Variants in ANKRD17 observed in about 807,000 individuals in gnomAD.
The protein encoded by ANKRD17 is ankyrin repeat domain 17.
ANKRD17 carries 19 observed loss-of-function variants against 229.7 expected under a neutral mutation model. The ratio of observed to expected loss-of-function variants is 0.08; its 90% CI spans 0.06 to 0.12. ANKRD17 has a LOEUF of 0.12. ANKRD17 is among the 10% of genes least tolerant of loss of function. ANKRD17 has a pLI of 1.00. For missense variants in ANKRD17, 2,176 were observed against 3,176.8 expected, an observed-to-expected ratio of 0.68 and a Z score of 7.57; for synonymous variants, 1,112 against 1,146.1, an observed-to-expected ratio of 0.97 and a Z score of 0.60.
Position 73,090,811 on chromosome 4 carries a change from C to T in ANKRD17, c.6817G>A (p.Val2273Ile). ...TCTGGTGTTGACTGAGATGAAACAA[C>T]AGATCCTCCCCAGAAGGCATGAGCA... ...TSAHAFWGGS[V>I]VSSQSTPESM... The change falls in exon 29 of 34, where the codon GTT becomes ATT. Residue 2273 changes from valine (V) to isoleucine (I), a missense_variant. Val to Ile is a conservative substitution (Grantham distance 29). Coordinates refer to ENST00000358602, the MANE Select transcript of ANKRD17 (RefSeq NM_032217.5). The T allele has an allele frequency of 6.2e-7, 1 of 1,614,188 alleles. No individual in the cohort carries two copies.
At chr4:73,205,504 T>C (rs1423835970) in intron 1 of ANKRD17, among the ~76,000 whole-genome samples, 1 of 152,034 alleles carries the variant, frequency 6.6e-6, no homozygotes, top group Non-Finnish European at 1.5e-5. Flanking sequence ...GAACAGTAAT[T>C]TCAATAAGTA....
At chr4:73,196,371 A>G (rs1009577758) in intron 1 of ANKRD17, among the ~76,000 whole-genome samples, 2 of 152,188 alleles carry the variant, frequency 1.3e-5, no homozygotes, top group South Asian at 2.1e-4. Context: ...CTTTGGTTCA[A>G]TTTGCTCTTC....
chr4:73,254,545 A>G lies in ANKRD17; in HGVS notation c.393+3731T>C, dbSNP rs145970740. On this transcript the variant is annotated intron_variant, in intron 1 of 33. Transcript: ENST00000358602. The stretch of plus-strand genomic sequence containing the variant: ...CACTCTGGGAGGCTGAGGCCAGTGG[A>G]TCACCTGAGGTCAGGAGTTCAAGAC... Among the ~76,000 whole-genome samples the G allele has an allele frequency of 1.4e-3, 214 of 152,300 alleles. 1 individual carries two copies. The highest frequency in any genetic ancestry group is 4.8e-3 in the African/African-American group (201 of 41,558).
At position 73,092,369 on chromosome 4, in the gene ANKRD17, T is replaced by C. The variant is rs1477441845; in HGVS notation, c.5328-69A>G. On this transcript the variant is annotated intron_variant, in intron 28 of 33. Coordinates refer to ENST00000358602, the MANE Select transcript of ANKRD17 (RefSeq NM_032217.5). ...TTGAGTATGTAAAGTGTTTTTAATA[T>C]GTATTTATGTACACAAACACACACA... 5 of 1,234,774 alleles carry C rather than the reference T, an allele frequency of 4.0e-6. No homozygotes were observed. The East Asian group carries it at 1.2e-4, about 29-fold the overall frequency. The allele number at this position is 1,234,774 out of a possible 1,614,324, so 76.5% of individuals were successfully genotyped here.
intron 22 of ANKRD17, among the ~76,000 whole-genome samples, chr4:73,118,055 C>T (rs1465724252): frequency 6.6e-6 from 1 of 151,924 alleles, no homozygotes; most frequent in African/African-American, 2.4e-5. Context: ...GTACTCTTGT[C>T]ACCCGGGCTG....
At chr4:73,179,518 ATTTTTT>A (rs56182757) in intron 1 of ANKRD17, among the ~76,000 whole-genome samples, 7 of 40,804 alleles carry the variant, frequency 1.7e-4, no homozygotes, top group African/African-American at 6.4e-4. Flanking sequence ...ATATATATAT[ATTTTTT>A]TTTTTTTTTT....
intron 1 of ANKRD17, among the ~76,000 whole-genome samples, chr4:73,212,932 C>T (rs554184948): frequency 6.7e-6 from 1 of 148,430 alleles, no homozygotes; most frequent in Admixed American, 6.8e-5. Flanking sequence ...GAGGCGGAGA[C>T]AGGAGAAATG....
intron 1 of ANKRD17, among the ~76,000 whole-genome samples, chr4:73,236,301 A>C (rs756178526): frequency 6.6e-6 from 1 of 152,118 alleles, no homozygotes; most frequent in Non-Finnish European, 1.5e-5. Flanking sequence ...GACTACCAGT[A>C]CGTGCCACCA....
At chr4:73,100,088 C>A (rs371878138) in intron 25 of ANKRD17, among the ~76,000 whole-genome samples, 17 of 152,332 alleles carry the variant, frequency 1.1e-4, no homozygotes, top group South Asian at 4.1e-4. Context: ...CCTCTGTTCA[C>A]AAACTACCTC....
rs1431384762 is a variant in ANKRD17, at chr4:73,140,054, T to A, written c.2562A>T (p.Thr854=). Residue 854 remains threonine, a synonymous_variant, in exon 15 of 34, where the codon ACA becomes ACT. Coordinates refer to ENST00000358602, the MANE Select transcript of ANKRD17 (RefSeq NM_032217.5). ...TKEKIEELNK[T]REEQIQKKQK... is the part of the protein sequence containing the mutation. ...GTTTCTTCTGAATTTGTTCCTCCCT[T>A]GTTTTGTTGAGCTCCTCGATCTTCT... The A allele has an allele frequency of 6.2e-7, 1 of 1,614,098 alleles. No individual in the cohort carries two copies. Among genetic ancestry groups the A allele is most frequent in the African/African-American group, 1.3e-5 (1 of 74,932 alleles).
intron 31 of ANKRD17, among the ~76,000 whole-genome samples, chr4:73,078,400 T>C (rs1350550869): frequency 6.6e-6 from 1 of 151,858 alleles, no homozygotes; most frequent in African/African-American, 2.4e-5. Flanking sequence ...TAGCTGGGCA[T>C]GGTGGCGCAT....
chr4:73,123,721 GTTTA>G (rs1368692800), intron 18 of ANKRD17, among the ~76,000 whole-genome samples: 1 of 151,022 alleles, frequency 6.6e-6, no homozygotes, highest in Non-Finnish European at 1.5e-5. Flanking sequence ...TATTAAAATT[GTTTA>G]TTTATTAGTT....
intron 1 of ANKRD17, among the ~76,000 whole-genome samples, chr4:73,190,420 T>G (rs1736897421): frequency 6.6e-6 from 1 of 151,906 alleles, no homozygotes; most frequent in Non-Finnish European, 1.5e-5. Flanking sequence ...TATATTATTG[T>G]AGAAGTTTAA....
At chr4:73,195,865 C>T (rs1392728504) in intron 1 of ANKRD17, among the ~76,000 whole-genome samples, 1 of 151,906 alleles carries the variant, frequency 6.6e-6, no homozygotes, top group African/African-American at 2.4e-5. Flanking sequence ...TCCCTGTTAG[C>T]CTTTTAGTGT....
At chr4:73,179,511 TATATATA>T (rs1351364300) in intron 1 of ANKRD17, among the ~76,000 whole-genome samples, 2 of 87,152 alleles carry the variant, frequency 2.3e-5, no homozygotes, top group African/African-American at 4.0e-5. Flanking sequence ...TATATATATA[TATATATA>T]TTTTTTTTTT....
chr4:73,256,949 T>G (rs1283486059), intron 1 of ANKRD17, among the ~76,000 whole-genome samples: 2 of 152,270 alleles, frequency 1.3e-5, no homozygotes, highest in African/African-American at 4.8e-5. Flanking sequence ...TCTGGTCTTC[T>G]ACAAATAGAC....
chr4:73,169,378 C>T (rs1733673735), intron 2 of ANKRD17, among the ~76,000 whole-genome samples: 1 of 152,050 alleles, frequency 6.6e-6, no homozygotes, highest in South Asian at 2.1e-4. Context: ...AATAGAATAT[C>T]AGACAGATTT....
intron 1 of ANKRD17, among the ~76,000 whole-genome samples, chr4:73,188,406 G>A (rs983253346): frequency 2.2e-4 from 33 of 151,904 alleles, no homozygotes; most frequent in Admixed American, 3.3e-4. Context: ...CCAATATGGT[G>A]ACTCCTCATC....
At chr4:73,113,196 A>G (rs1725535127) in intron 24 of ANKRD17, 4 of 1,287,766 alleles carry the variant, frequency 3.1e-6, no homozygotes, top group Non-Finnish European at 4.0e-6. Context: ...ACAGAATTAT[A>G]GGGGAAAATG....
Sources: gnomAD v4.1 joint callset for allele counts (sites outside exome capture counted in the v4.1 genomes callset) on GRCh38, gnomAD v4.1.1 for gene constraint, MANE v1.5 for transcripts, NCBI Gene and HGNC (gene_info 2026-07-23, HGNC 2026-07-21) for gene names.